The following AIFM1 variants were observed in gnomAD, a reference collection of about 807,000 sequenced individuals.
AIFM1 encodes the protein apoptosis inducing factor mitochondria associated 1.
In AIFM1, 3 loss-of-function variants were observed where a neutral mutation model predicts 51.7. That is an observed-to-expected ratio of 0.06 (90% CI 0.03 to 0.15). The LOEUF is 0.15. Ranked by LOEUF, AIFM1 falls within the 10% of genes least tolerant of loss-of-function variation. AIFM1 has a pLI of 1.00. For synonymous variants in AIFM1, 178 were observed against 179.4 expected (o/e 0.99, Z 0.06); for missense variants, 330 against 476.8 (o/e 0.69, Z 2.87).
At chrX:130,141,123 A>C (rs2030563168) in intron 6 of AIFM1, among the ~76,000 whole-genome samples, 1 of 112,023 alleles carries the variant, frequency 8.9e-6, no homozygotes, top group Non-Finnish European at 1.9e-5. Context: ...CTCAAAAACA[A>C]AACAAAACAA....
intron 6 of AIFM1, among the ~76,000 whole-genome samples, chrX:130,143,532 C>T (rs1390515634): frequency 9.0e-6 from 1 of 110,968 alleles, no homozygotes; most frequent in Non-Finnish European, 1.9e-5. Context: ...AAGTGTGTTC[C>T]CTACTTCTCA....
chrX:130,138,759 A>T, intron 8 of AIFM1, 58 bp from the exon 9 acceptor site: 1 of 812,121 alleles, frequency 1.2e-6, no homozygotes. Context: ...GGATAATAAT[A>T]CTAGAAAGTA....
chrX:130,137,269 C>A (rs1356926650), intron 9 of AIFM1, 84 bp from the exon 10 acceptor site: 1 of 1,201,640 alleles, frequency 8.3e-7, no homozygotes, highest in African/African-American at 1.8e-5. Flanking sequence ...GAGCAGCAGG[C>A]AGCCCTCACT....
chrX:130,165,675 G>C lies in AIFM1; in HGVS notation c.-19C>G. On this transcript the variant is annotated 5_prime_UTR_variant, in exon 1 of 16. Coordinates refer to ENST00000287295, the MANE Select transcript of AIFM1 (RefSeq NM_004208.4). ...GGAACATTTCGGCGACCGCTATTCG[G>C]GACCTCCTCCTTCCCTTTCCTCTCA... 3.5e-6 allele frequency: 4 copies of C among 1,159,291 alleles called. No homozygotes were observed. The highest frequency in any genetic ancestry group is 4.7e-6 in the Non-Finnish European group (4 of 858,877).
chrX:130,133,560 T>A, intron 12 of AIFM1, 105 bp from the exon 13 acceptor site: 1 of 980,009 alleles, frequency 1.0e-6, no homozygotes. Flanking sequence ...TAATGGTAAC[T>A]AATTCATGTT....
intron 5 of AIFM1, among the ~76,000 whole-genome samples, chrX:130,146,451 ATGTGTGTGTGTGTGTGTG>A (rs60694841): frequency 6.7e-5 from 6 of 89,429 alleles, no homozygotes; most frequent in Non-Finnish European, 8.8e-5. Context: ...CTCTCAAAAT[ATGTGTGTGTGTGTGTGTG>A]TGTGTGTGTG....
intron 12 of AIFM1, among the ~76,000 whole-genome samples, chrX:130,135,659 C>G (rs958519061): frequency 6.3e-5 from 7 of 111,090 alleles, no homozygotes; most frequent in African/African-American, 2.3e-4. Context: ...GAGTAATTTT[C>G]CTTTCTAGGG....
chrX:130,162,416 T>A (rs1385132898), intron 1 of AIFM1, among the ~76,000 whole-genome samples: 1 of 112,181 alleles, frequency 8.9e-6, no homozygotes, highest in Non-Finnish European at 1.9e-5. Flanking sequence ...GGTTAGGAAC[T>A]GGTTCTCTAC....
chrX:130,134,302 G>A (rs1267553679), intron 12 of AIFM1, among the ~76,000 whole-genome samples: 1 of 109,683 alleles, frequency 9.1e-6, no homozygotes, highest in Non-Finnish European at 1.9e-5. Flanking sequence ...CTATAGTTTT[G>A]TTTACTTATG....
chrX:130,164,749 G>T (rs1195114548), intron 1 of AIFM1, among the ~76,000 whole-genome samples: 1 of 111,350 alleles, frequency 9.0e-6, no homozygotes, highest in Admixed American at 9.5e-5. Context: ...TGCAGCGAAG[G>T]GATTAAGGAC....
In AIFM1 at chrX:130,147,778, T is replaced by G. The variant is rs2030809390; in HGVS notation, c.448A>C (p.Ile150Leu). The G allele has an allele frequency of 8.2e-7, 1 of 1,212,126 alleles. No homozygotes were observed. Among genetic ancestry groups the G allele is most frequent in the Non-Finnish European group, 1.1e-6 (1 of 895,636 alleles). The change falls in exon 4 of 16, where the codon ATC (isoleucine) becomes CTC (leucine). Residue 150 changes from isoleucine to leucine, a missense_variant. Ile to Leu is a conservative substitution (Grantham distance 5). Around this residue, in one of 4 missense-constraint regions of AIFM1, gnomAD observed 152 missense variants for 292.8 expected, o/e 0.52. Coordinates refer to ENST00000287295, the MANE Select transcript of AIFM1 (RefSeq NM_004208.4). The part of the protein sequence containing the change: ...GTAAFAAARS[I>L]RARDPGARVL... Reference sequence around the variant, plus strand: ...CTGGCCCCAGGATCCCGAGCCCGGATGGATCTGGCTGCAGCAAAAGCAGCT... The same window carrying G: ...CTGGCCCCAGGATCCCGAGCCCGGAGGGATCTGGCTGCAGCAAAAGCAGCT...
At chrX:130,152,092 GGAAGA>G (rs72435535) in intron 2 of AIFM1, among the ~76,000 whole-genome samples, 1,230 of 105,230 alleles carry the variant, frequency 0.012, 7 homozygotes, top group African/African-American at 0.019. Flanking sequence ...TCCAAAAAAG[GGAAGA>G]GAAGAGAAGA....
intron 5 of AIFM1, among the ~76,000 whole-genome samples, chrX:130,146,451 A>ATGTG (rs60694841): frequency 0.025 from 2,213 of 89,397 alleles, 24 homozygotes; most frequent in Middle Eastern, 0.054. Flanking sequence ...CTCTCAAAAT[A>ATGTG]TGTGTGTGTG....
intron 9 of AIFM1, chrX:130,137,471 T>C: frequency 8.6e-7 from 1 of 1,167,684 alleles, no homozygotes; most frequent in Non-Finnish European, 1.1e-6. Context: ...CATAAGTGCT[T>C]TGCAACCTCT....
intron 1 of AIFM1, among the ~76,000 whole-genome samples, chrX:130,160,200 T>C (rs2031303674): frequency 8.9e-6 from 1 of 112,106 alleles, no homozygotes; most frequent in Admixed American, 9.5e-5. Context: ...ATTGTTTGCT[T>C]ACATTCCCCC....
chrX:130,142,372 T>C (rs1359949533), intron 6 of AIFM1, among the ~76,000 whole-genome samples: 1 of 111,204 alleles, frequency 9.0e-6, no homozygotes, highest in Non-Finnish European at 1.9e-5. Flanking sequence ...TACTCAACCC[T>C]CACGGTGTTC....
At chrX:130,131,152 T>C (rs2030061360) in intron 14 of AIFM1, among the ~76,000 whole-genome samples, 1 of 111,148 alleles carries the variant, frequency 9.0e-6, no homozygotes, top group Admixed American at 9.6e-5. Context: ...GCCTCCCATC[T>C]AAAGAAAACC....
intron 12 of AIFM1, among the ~76,000 whole-genome samples, chrX:130,135,390 G>A (rs1340313971): frequency 1.0e-5 from 1 of 97,094 alleles, no homozygotes; most frequent in East Asian, 3.2e-4. Flanking sequence ...CCTGGCCCAC[G>A]TATTACTTTT....
chrX:130,146,730 C>G (rs1347458779), intron 5 of AIFM1, among the ~76,000 whole-genome samples: 1 of 111,091 alleles, frequency 9.0e-6, no homozygotes, highest in Non-Finnish European at 1.9e-5. Context: ...GTCTGTCGTG[C>G]AAAAATTCTA....
Sources: allele counts gnomAD v4.1 joint callset (sites outside exome capture counted in the v4.1 genomes callset), GRCh38; gene constraint gnomAD v4.1.1; regional missense constraint gnomAD v4.1.1; transcripts MANE v1.5; gene names NCBI Gene and HGNC (gene_info 2026-07-23, HGNC 2026-07-21).